KIAA1671: variants seen among roughly 807,000 people sequenced by gnomAD.
The protein encoded by KIAA1671 is KIAA1671, also known as uncharacterized protein KIAA1671.
A neutral mutation model predicts 131.2 loss-of-function variants in KIAA1671; 52 were observed. That is an observed-to-expected ratio of 0.40 (90% confidence interval 0.32 to 0.50). The LOEUF (loss-of-function observed/expected upper bound fraction) is 0.50, where lower values mean the gene tolerates loss of function less well. KIAA1671 is among the 20% of genes least tolerant of loss of function. The pLI, the probability that KIAA1671 is intolerant of heterozygous loss-of-function variation, is 0.73. For synonymous variants in KIAA1671, 1,003 were observed against 961.6 expected, an observed-to-expected ratio of 1.04 and a Z score of -0.80; for missense variants, 2,360 against 2,364.2, an observed-to-expected ratio of 1.00 and a Z score of 0.04.
chr22:25,033,140 T>C (rs954457971), intron 4 of KIAA1671, among the ~76,000 whole-genome samples: 158 of 152,218 alleles, frequency 1.0e-3, no homozygotes, highest in African/African-American at 3.6e-3. Flanking sequence ...CCCAGCACTT[T>C]GGGAGGCTGA....
intron 1 of KIAA1671, among the ~76,000 whole-genome samples, chr22:24,958,388 G>A (rs1602025854): frequency 6.6e-6 from 1 of 152,060 alleles, no homozygotes; most frequent in African/African-American, 2.4e-5. Flanking sequence ...GGTGGCTCAC[G>A]CCTGTAATCT....
At position 25,028,121 on chromosome 22, in the gene KIAA1671, G is replaced by C. The variant is rs1926052523; in HGVS notation, c.122G>C (p.Gly41Ala). 6.4e-7 allele frequency: 1 copy of C among 1,551,288 alleles called. No individual in the cohort carries two copies. The highest frequency in any genetic ancestry group is 8.7e-7 in the Non-Finnish European group (1 of 1,146,816). Reference sequence around the variant, plus strand: ...TTCCTCCAGGCCGGCGAAGCCTCTGGGGCTCCCCCAGCCCGGATCTTGGAA... The same window carrying C: ...TTCCTCCAGGCCGGCGAAGCCTCTGCGGCTCCCCCAGCCCGGATCTTGGAA... ...TYFLQAGEAS[G>A]APPARILEAK... The change falls in exon 3 of 13, where the codon GGG becomes GCG. Residue 41 changes from glycine to alanine, a missense_variant. By Grantham distance (60) the Gly-to-Ala change is moderately conservative. This residue lies in a region of KIAA1671 where 1,185 missense variants were observed against 1,126.2 expected (regional missense o/e 1.05). Coordinates refer to ENST00000358431, the MANE Select transcript of KIAA1671 (RefSeq NM_001145206.2).
At position 25,038,906 on chromosome 22, in the gene KIAA1671, G is replaced by A; in HGVS notation, c.1776G>A (p.Glu592=). 1 of 1,551,708 alleles carries A rather than the reference G, an allele frequency of 6.4e-7. No homozygotes were observed. Among genetic ancestry groups the A allele is most frequent in the South Asian group, 1.2e-5 (1 of 84,046 alleles). The part of the protein sequence containing the change: ...PDSCRGGSSV[E]APCPSDVTPE... ...GCTGTCGCGGTGGAAGCTCAGTGGA[G>A]GCCCCGTGCCCTTCTGACGTCACTC... The change falls in exon 5 of 13, where the codon GAG becomes GAA. Residue 592 remains glutamate, a synonymous_variant. Transcript: ENST00000358431.
intron 6 of KIAA1671, among the ~76,000 whole-genome samples, chr22:25,066,401 A>C (rs1201510611): frequency 1.3e-5 from 2 of 152,046 alleles, no homozygotes; most frequent in Admixed American, 1.3e-4. Context: ...CTCCCACCTC[A>C]GCCTTCCAAA....
At chr22:25,071,321 A>G (rs573141376) in intron 6 of KIAA1671, among the ~76,000 whole-genome samples, 1 of 152,248 alleles carries the variant, frequency 6.6e-6, no homozygotes, top group African/African-American at 2.4e-5. Flanking sequence ...TGCCCAGAGA[A>G]TTTTCCAGCG....
intron 1 of KIAA1671, among the ~76,000 whole-genome samples, chr22:25,020,795 G>A (rs1459383348): frequency 7.2e-5 from 11 of 152,182 alleles, no homozygotes; most frequent in Non-Finnish European, 1.2e-4. Flanking sequence ...CCTGTCTGGG[G>A]TTCATTGTGC....
At chr22:25,060,858 A>T (rs539619087) in intron 6 of KIAA1671, 1 of 152,208 alleles carries the variant, frequency 6.6e-6, no homozygotes, top group Non-Finnish European at 1.5e-5. Context: ...GCCGTTTTAC[A>T]TTCGGGCCTC....
At chr22:25,116,694 T>G (rs751319023) in intron 6 of KIAA1671, among the ~76,000 whole-genome samples, 1 of 152,142 alleles carries the variant, frequency 6.6e-6, no homozygotes, top group Non-Finnish European at 1.5e-5. Context: ...GTGCTGAGAT[T>G]ACAGGTGTGA....
chr22:25,091,472 C>A (rs902116162), intron 6 of KIAA1671, among the ~76,000 whole-genome samples: 2 of 152,174 alleles, frequency 1.3e-5, no homozygotes, highest in Non-Finnish European at 2.9e-5. Context: ...AAACAAAACT[C>A]TTCTTTCTTC....
At chr22:25,010,048 C>G (rs1924954134) in intron 1 of KIAA1671, 1 of 152,246 alleles carries the variant, frequency 6.6e-6, no homozygotes, top group South Asian at 2.1e-4. Flanking sequence ...CCTTGAATTA[C>G]TGCCTCCCCA....
intron 9 of KIAA1671, among the ~76,000 whole-genome samples, chr22:25,177,779 T>G (rs1934092280): frequency 6.6e-6 from 1 of 152,158 alleles, no homozygotes. Flanking sequence ...GCTGCCACCA[T>G]GAGTAATATC....
intron 1 of KIAA1671, among the ~76,000 whole-genome samples, chr22:25,024,847 G>A (rs970546618): frequency 6.6e-6 from 1 of 151,978 alleles, no homozygotes; most frequent in Non-Finnish European, 1.5e-5. Flanking sequence ...GGATGATGTC[G>A]TATTAAATGT....
chr22:25,192,770 A>C lies in KIAA1671; in HGVS notation c.*369A>C, dbSNP rs1327334701. 1 of 152,166 alleles carries C rather than the reference A, an allele frequency of 6.6e-6. No homozygotes were observed. The highest frequency in any genetic ancestry group is 6.5e-5 in the Admixed American group (1 of 15,280). The allele number at this position is 152,166 out of a possible 1,614,324, so 9.4% of individuals were successfully genotyped here. A position where few individuals can be genotyped will look rare whatever the true frequency, so the allele number is the denominator to read the frequency against. On this transcript the variant is annotated 3_prime_UTR_variant, in exon 13 of 13. Coordinates refer to ENST00000358431, the MANE Select transcript of KIAA1671 (RefSeq NM_001145206.2). ...AGTGTGAGGCTGGAATTGTCTCCCC[A>C]GGTTCTGAAAAACACCTGCATTTGT...
At chr22:25,093,723 ACACACACACACACACTCTCTCT>A (rs1568950914) in intron 6 of KIAA1671, among the ~76,000 whole-genome samples, 10 of 77,812 alleles carry the variant, frequency 1.3e-4, no homozygotes, top group African/African-American at 7.6e-4. Flanking sequence ...ACACACACAC[ACACACACACACACACTCTCTCT>A]CTCTCTCTCT....
chr22:25,179,333 C>T (rs1479974976), intron 9 of KIAA1671: 27 of 1,592,038 alleles, frequency 1.7e-5, no homozygotes, highest in Middle Eastern at 4.3e-4. Context: ...CCTCTCGCTG[C>T]TCCTTGTTCC....
At chr22:25,142,465 C>G (rs1348153289) in intron 6 of KIAA1671, among the ~76,000 whole-genome samples, 1 of 152,192 alleles carries the variant, frequency 6.6e-6, no homozygotes, top group Non-Finnish European at 1.5e-5. Context: ...TTGGCACCAT[C>G]CCCCTGCACT....
chr22:25,178,784 C>T (rs1448379865), intron 9 of KIAA1671, among the ~76,000 whole-genome samples: 2 of 152,088 alleles, frequency 1.3e-5, no homozygotes. Context: ...CCCCCACCCA[C>T]CCCCTGCCAG....
chr22:25,108,072 C>G (rs930472383), intron 6 of KIAA1671, among the ~76,000 whole-genome samples: 3 of 152,072 alleles, frequency 2.0e-5, no homozygotes, highest in Non-Finnish European at 2.9e-5. Flanking sequence ...CATTAACTGG[C>G]AAGCCATTAT....
chr22:24,959,286 A>C (rs1921888916), intron 1 of KIAA1671, among the ~76,000 whole-genome samples: 1 of 152,034 alleles, frequency 6.6e-6, no homozygotes, highest in African/African-American at 2.4e-5. Context: ...TGGGCGGATC[A>C]CTTGAGGGCA....
Sources: gnomAD v4.1 joint callset for allele counts (sites outside exome capture counted in the v4.1 genomes callset) on GRCh38, gnomAD v4.1.1 for gene constraint, gnomAD v4.1.1 regional missense constraint, MANE v1.5 for transcripts, NCBI Gene and HGNC (gene_info 2026-07-23, HGNC 2026-07-21) for gene names.